Variants in COL15A1 observed in about 807,000 individuals in gnomAD.
COL15A1 encodes the protein collagen alpha-1(XV) chain.
Under a neutral mutation model 165.9 loss-of-function variants are expected in COL15A1, and 111 were observed. The observed-to-expected ratio is 0.67, with a 90% confidence interval of 0.57 to 0.78. The LOEUF (loss-of-function observed/expected upper bound fraction) is 0.78, where lower values mean the gene tolerates loss of function less well. Ranked by LOEUF, COL15A1 falls within the 30% of genes least tolerant of loss-of-function variation. COL15A1 has a pLI of 0.00. For synonymous variants in COL15A1, 659 were observed against 674.8 expected (o/e 0.98, Z 0.36); for missense variants, 1,745 against 1,789.7 (o/e 0.98, Z 0.45).
chr9:99,045,135 G>T (rs1839473102), intron 26 of COL15A1, among the ~76,000 whole-genome samples: 2 of 152,154 alleles, frequency 1.3e-5, no homozygotes, highest in East Asian at 3.9e-4. Flanking sequence ...GATTGTGAAA[G>T]ATAATAAACA....
intron 19 of COL15A1, among the ~76,000 whole-genome samples, chr9:99,035,923 C>T (rs1839292848): frequency 6.6e-6 from 1 of 152,168 alleles, no homozygotes; most frequent in Non-Finnish European, 1.5e-5. Context: ...GAGCTGAGCC[C>T]TTCAGTCTAG....
chr9:98,968,457 G>C (rs1306506959), intron 2 of COL15A1, among the ~76,000 whole-genome samples: 1 of 152,166 alleles, frequency 6.6e-6, no homozygotes, highest in Non-Finnish European at 1.5e-5. Flanking sequence ...GTGACTGCCA[G>C]CAATCCTTGG....
At chr9:98,947,225 G>A (rs1308694393) in intron 2 of COL15A1, among the ~76,000 whole-genome samples, 1 of 152,134 alleles carries the variant, frequency 6.6e-6, no homozygotes, top group Non-Finnish European at 1.5e-5. Context: ...AAAAAGGAAT[G>A]AAGTATTGAT....
At chr9:99,053,289 T>C (rs1057062478) in intron 31 of COL15A1, among the ~76,000 whole-genome samples, 1 of 152,226 alleles carries the variant, frequency 6.6e-6, no homozygotes, top group Non-Finnish European at 1.5e-5. Context: ...TCCCTGATGA[T>C]ATCTAGCCCT....
rs773386011 is a variant in COL15A1 at position 98,997,042 on chromosome 9, A to T, written c.913A>T (p.Thr305Ser). Reference sequence around the variant, plus strand: ...TGTACCCGAGGGGACCCTGGAAACCACCAACATGAGCATCATCCAGCACAG... The same window carrying T: ...TGTACCCGAGGGGACCCTGGAAACCTCCAACATGAGCATCATCCAGCACAG... ...EPVPEGTLETTNMSIIQHSSP... is the reference protein window; with the variant it reads ...EPVPEGTLETSNMSIIQHSSP... The change falls in exon 6 of 42, where the codon ACC (threonine) becomes TCC (serine). Residue 305 changes from threonine (T) to serine (S), a missense_variant. By Grantham distance (58) the Thr-to-Ser change is moderately conservative. Coordinates refer to ENST00000375001, the MANE Select transcript of COL15A1 (RefSeq NM_001855.5). 42 of 1,614,220 alleles carry T rather than the reference A, an allele frequency of 2.6e-5. No homozygotes were observed. The highest frequency in any genetic ancestry group is 3.3e-5 in the Non-Finnish European group (39 of 1,180,042).
intron 21 of COL15A1, 30 bp from the exon 22 acceptor site, chr9:99,038,638 G>T: frequency 7.3e-7 from 1 of 1,368,884 alleles, no homozygotes; most frequent in Non-Finnish European, 1.0e-6. Context: ...GCCATCCTTT[G>T]TCCTCATTGT....
chr9:99,005,094 C>T, intron 9 of COL15A1, 44 bp downstream of exon 9: 1 of 1,529,420 alleles, frequency 6.5e-7, no homozygotes, highest in Non-Finnish European at 8.8e-7. Context: ...ATGGTGGGAG[C>T]AGCTCCTGAC....
rs574369856 is a variant in COL15A1, at chr9:98,988,065, C to CCCAGGGAGAAGGGGT, written c.723+703_723+717dup. ...CTGACCAATGACAAGGGTGAGGCCT[C>CCCAGGGAGAAGGGGT]CCAGGGAGAAGGGGTCCAGGATGCA... On this transcript the variant is annotated intron_variant, in intron 4 of 41. Transcript: ENST00000375001. Among the ~76,000 whole-genome samples, 1,142 of 152,222 alleles carry CCCAGGGAGAAGGGGT rather than the reference C, an allele frequency of 7.5e-3. 6 individuals carry two copies. The highest frequency in any genetic ancestry group is 0.012 in the Admixed American group (184 of 15,280).
chr9:98,989,403 A>G, intron 5 of COL15A1, 145 bp downstream of exon 5: 1 of 667,534 alleles, frequency 1.5e-6, no homozygotes. Flanking sequence ...GGGGTCAGGA[A>G]AATAATGGCC....
intron 2 of COL15A1, among the ~76,000 whole-genome samples, chr9:98,958,739 G>A (rs773612253): frequency 7.2e-5 from 11 of 152,120 alleles, no homozygotes; most frequent in Non-Finnish European, 1.2e-4. Context: ...TTTTCTCGGC[G>A]GAGGGAAGTT....
intron 13 of COL15A1, 61 bp downstream of exon 13, chr9:99,022,211 C>T: frequency 6.2e-7 from 1 of 1,607,652 alleles, no homozygotes; most frequent in Non-Finnish European, 8.5e-7. Flanking sequence ...GCGGCCAAAA[C>T]AGCCACAGGC....
chr9:99,034,636 C>CT, intron 17 of COL15A1, 52 bp downstream of exon 17: 1 of 1,496,692 alleles, frequency 6.7e-7, no homozygotes, highest in Non-Finnish European at 8.9e-7. Context: ...TCCCTCCTCC[C>CT]CTTTCTTTGA....
chr9:99,028,181 T>A (rs1024010358), intron 16 of COL15A1, among the ~76,000 whole-genome samples: 1 of 152,218 alleles, frequency 6.6e-6, no homozygotes, highest in Admixed American at 6.5e-5. Context: ...TAGGCAGTTA[T>A]CTAAAATGGA....
At position 99,020,424 on chromosome 9, in the gene COL15A1, T is replaced by C; in HGVS notation, c.1683T>C (p.Ala561=). The C allele has an allele frequency of 6.2e-7, 1 of 1,613,560 alleles. No individual in the cohort carries two copies. The highest frequency in any genetic ancestry group is 8.5e-7 in the Non-Finnish European group (1 of 1,179,440). The change falls in exon 12 of 42, where the codon GCT becomes GCC. Residue 561 remains alanine (A), a synonymous_variant. Transcript: ENST00000375001. ...QREHVGMKGQ[A]GPKGEKGDAG... ...AACATGTGGGAATGAAAGGACAGGC[T>C]GGGCCCAAAGGAGAAAAGGTTTGTG...
chr9:98,950,744 A>T (rs1837673932), intron 2 of COL15A1, among the ~76,000 whole-genome samples: 1 of 151,902 alleles, frequency 6.6e-6, no homozygotes, highest in Non-Finnish European at 1.5e-5. Flanking sequence ...CCTCCCGAGT[A>T]GCTGAGACTA....
intron 13 of COL15A1, among the ~76,000 whole-genome samples, chr9:99,022,858 T>G (rs1336564343): frequency 1.3e-5 from 2 of 152,246 alleles, no homozygotes; most frequent in Non-Finnish European, 1.5e-5. Context: ...CACTGAGGGC[T>G]CTCTGGGTGC....
chr9:99,064,125 A>T (rs1825859221), intron 39 of COL15A1, among the ~76,000 whole-genome samples: 1 of 152,072 alleles, frequency 6.6e-6, no homozygotes, highest in South Asian at 2.1e-4. Flanking sequence ...CAAAACACAT[A>T]TATAGGTGAC....
intron 34 of COL15A1, among the ~76,000 whole-genome samples, chr9:99,055,930 T>A (rs1392558210): frequency 1.3e-5 from 2 of 152,220 alleles, no homozygotes; most frequent in Admixed American, 6.5e-5. Context: ...TAGCTCTGCA[T>A]CTAATTTGCT....
intron 39 of COL15A1, 97 bp from the exon 40 acceptor site, chr9:99,066,785 C>T (rs765250645): frequency 6.9e-6 from 8 of 1,163,752 alleles, no homozygotes; most frequent in Non-Finnish European, 9.7e-6. Flanking sequence ...GCCTTCCAGC[C>T]TAAGAAGTCT....
Sources: gnomAD v4.1 joint callset for allele counts (sites outside exome capture counted in the v4.1 genomes callset) on GRCh38, gnomAD v4.1.1 for gene constraint, MANE v1.5 for transcripts, NCBI Gene and HGNC (gene_info 2026-07-23, HGNC 2026-07-21) for gene names.